The following MYDGF variants were observed in gnomAD, a reference collection of about 807,000 sequenced individuals.
MYDGF encodes the protein myeloid derived growth factor, also known as myeloid-derived growth factor.
MYDGF carries 29 observed loss-of-function variants against 24.2 expected under a neutral mutation model. The ratio of observed to expected loss-of-function variants is 1.20; its 90% confidence interval spans 0.89 to 1.63. The LOEUF (loss-of-function observed/expected upper bound fraction) is 1.63. MYDGF is among the 40% of genes most tolerant of loss of function. MYDGF has a pLI of 0.00. For missense variants in MYDGF, 245 were observed against 234.8 expected (o/e 1.04, Z -0.29); for synonymous variants, 105 against 102.5 (o/e 1.02, Z -0.15).
intron 2 of MYDGF, among the ~76,000 whole-genome samples, chr19:4,666,678 C>T (rs1190149605): frequency 6.6e-6 from 1 of 152,194 alleles, no homozygotes; most frequent in Admixed American, 6.5e-5. Context: ...AGGTTATTCA[C>T]GGACTGGGTT....
At chr19:4,667,800 C>G (rs560594307) in intron 2 of MYDGF, among the ~76,000 whole-genome samples, 3 of 152,050 alleles carry the variant, frequency 2.0e-5, no homozygotes, top group Non-Finnish European at 2.9e-5. Context: ...TGGGCTCAAG[C>G]GATCCTCCCA....
chr19:4,660,886 C>T, intron 3 of MYDGF, 136 bp from the exon 4 acceptor site: 3 of 572,596 alleles, frequency 5.2e-6, no homozygotes, highest in African/African-American at 1.9e-5. Flanking sequence ...GGACGCCATT[C>T]CCGAGCACGA....
chr19:4,665,891 C>T (rs1412797546), intron 2 of MYDGF, among the ~76,000 whole-genome samples: 1 of 143,594 alleles, frequency 7.0e-6, no homozygotes, highest in African/African-American at 2.5e-5. Context: ...TAAACACAAG[C>T]TGAACTATCG....
chr19:4,663,502 CA>C, intron 3 of MYDGF, among the ~76,000 whole-genome samples: 1 of 108,018 alleles, frequency 9.3e-6, no homozygotes, highest in Non-Finnish European at 1.8e-5. Context: ...CCAACCTGTG[CA>C]CTCTCCACCC....
chr19:4,667,313 A>G (rs966621174), intron 2 of MYDGF, among the ~76,000 whole-genome samples: 4 of 151,916 alleles, frequency 2.6e-5, no homozygotes, highest in Non-Finnish European at 5.9e-5. Context: ...TATTTTTAGT[A>G]GAGACGGGGT....
At chr19:4,669,657 G>A (rs1021132685) in intron 1 of MYDGF, among the ~76,000 whole-genome samples, 2 of 152,224 alleles carry the variant, frequency 1.3e-5, no homozygotes, top group African/African-American at 4.8e-5. Flanking sequence ...GAGGCTGAGA[G>A]GGGAAAGGAC....
chr19:4,667,214 C>T (rs1467634099), intron 2 of MYDGF, among the ~76,000 whole-genome samples: 7 of 150,830 alleles, frequency 4.6e-5, no homozygotes, highest in Non-Finnish European at 7.4e-5. Flanking sequence ...CTGCAAGCTC[C>T]GCCTCCCGGG....
At chr19:4,658,600 C>A (rs556555195) in intron 5 of MYDGF, among the ~76,000 whole-genome samples, 2 of 152,026 alleles carry the variant, frequency 1.3e-5, no homozygotes, top group African/African-American at 4.8e-5. Context: ...TGCCCCAGCT[C>A]GGCGCCTCCG....
At chr19:4,661,972 G>C (rs73537503) in intron 3 of MYDGF, among the ~76,000 whole-genome samples, 2,978 of 152,228 alleles carry the variant, frequency 0.02, 103 homozygotes, top group African/African-American at 0.069. Context: ...GCAGACAGAC[G>C]ATGGCGACCG....
chr19:4,663,219 TAC>T (rs60003557), intron 3 of MYDGF, among the ~76,000 whole-genome samples: 2,606 of 92,118 alleles, frequency 0.028, 122 homozygotes, highest in African/African-American at 0.13. Context: ...GTCCTCATTC[TAC>T]ACAGCCTCCA....
intron 2 of MYDGF, among the ~76,000 whole-genome samples, chr19:4,665,631 C>T (rs896244144): frequency 2.6e-5 from 4 of 151,562 alleles, no homozygotes; most frequent in African/African-American, 9.7e-5. Context: ...ACCATCCTGG[C>T]TAACATGATG....
At chr19:4,667,207 C>T (rs528320662) in intron 2 of MYDGF, among the ~76,000 whole-genome samples, 7 of 147,602 alleles carry the variant, frequency 4.7e-5, no homozygotes, top group Admixed American at 1.4e-4. Flanking sequence ...TGGCTCGCTG[C>T]AAGCTCCGCC....
At position 4,664,987 on chromosome 19, in the gene MYDGF, G is replaced by C. The variant is rs375800819; in HGVS notation, c.226-50C>G. On this transcript the variant is annotated intron_variant, in intron 2 of 5. Coordinates refer to ENST00000262947, the MANE Select transcript of MYDGF (RefSeq NM_019107.4). ...CAGCCCCGGACACACAGCTGCTCTC[G>C]GAGACTTCTAGGTGTGCCTCTGATT... 65 of 1,587,590 alleles carry C rather than the reference G, an allele frequency of 4.1e-5. 2 individuals carry two copies. The South Asian group carries it at 6.1e-4, about 15-fold the overall frequency.
intron 2 of MYDGF, among the ~76,000 whole-genome samples, chr19:4,667,290 G>A (rs566995799): frequency 1.3e-5 from 2 of 151,952 alleles, no homozygotes; most frequent in South Asian, 2.1e-4. Context: ...CAAAACACCC[G>A]GCTAATTTTT....
At chr19:4,658,245 G>C (rs1568285445) in intron 5 of MYDGF, among the ~76,000 whole-genome samples, 161 bp from the exon 6 acceptor site, 1 of 152,220 alleles carries the variant, frequency 6.6e-6, no homozygotes, top group South Asian at 2.1e-4. Context: ...AGTCTTACGG[G>C]TGACAGACAG....
intron 3 of MYDGF, among the ~76,000 whole-genome samples, chr19:4,662,428 CG>C (rs1051643305): frequency 6.6e-6 from 1 of 152,206 alleles, no homozygotes; most frequent in Admixed American, 6.5e-5. Flanking sequence ...CCCTCCCCAC[CG>C]GGGGGCCTGA....
chr19:4,657,664 T>G lies in MYDGF; in HGVS notation c.*341A>C. 1 of 209,662 alleles carries G rather than the reference T, an allele frequency of 4.8e-6. No homozygotes were observed. The highest frequency in any genetic ancestry group is 1.6e-4 in the South Asian group (1 of 6,380). The allele number at this position is 209,662 out of a possible 1,614,324, so 13.0% of individuals were successfully genotyped here. On this transcript the variant is annotated 3_prime_UTR_variant, in exon 6 of 6. Transcript: ENST00000262947. ...AGCAGTTCTGCAGGCTCATGAAGGA[T>G]GCTCGGCTGGAGGTCGGGGGGAGCA...
intron 5 of MYDGF, chr19:4,659,723 T>G: frequency 1.7e-6 from 1 of 593,260 alleles, no homozygotes; most frequent in Non-Finnish European, 3.0e-6. Flanking sequence ...TGCAGCAGCT[T>G]TGTGCCACAA....
intron 2 of MYDGF, among the ~76,000 whole-genome samples, chr19:4,665,865 A>T (rs2088517609): frequency 6.7e-6 from 1 of 148,392 alleles, no homozygotes; most frequent in Non-Finnish European, 1.5e-5. Flanking sequence ...GTCCCATATC[A>T]TTTATGAAAA....
Sources: allele counts gnomAD v4.1 joint callset (sites outside exome capture counted in the v4.1 genomes callset), GRCh38; gene constraint gnomAD v4.1.1; transcripts MANE v1.5; gene names NCBI Gene and HGNC (gene_info 2026-07-23, HGNC 2026-07-21).